The following AFG2B variants were observed in gnomAD, a reference collection of about 807,000 sequenced individuals.
The protein encoded by AFG2B is ATPase family gene 2 protein homolog B.
the AFG2B span, among the ~76,000 whole-genome samples, chr15:45,412,448 G>T: frequency 3.3e-5 from 5 of 152,102 alleles, no homozygotes; most frequent in Admixed American, 1.3e-4. Context: ...GATTTCTGTA[G>T]AGAGAGCCAC....
chr15:45,421,011 G>A, the AFG2B span: 925 of 1,595,412 alleles, frequency 5.8e-4, 4 homozygotes, highest in African/African-American at 0.011. Flanking sequence ...AAAAGCAAAA[G>A]AAATTGTTTT....
At chr15:45,408,054 T>A in the AFG2B span, among the ~76,000 whole-genome samples, 1 of 152,184 alleles carries the variant, frequency 6.6e-6, no homozygotes, top group Non-Finnish European at 1.5e-5. Context: ...TAGTCCAATT[T>A]CCTTGATAGG....
At chr15:45,415,370 A>G in the AFG2B span, among the ~76,000 whole-genome samples, 1 of 151,866 alleles carries the variant, frequency 6.6e-6, no homozygotes, top group African/African-American at 2.4e-5. Flanking sequence ...GTGGTAGCGC[A>G]CCCTATAATC....
At chr15:45,406,984 A>G in the AFG2B span, 1 of 1,263,036 alleles carries the variant, frequency 7.9e-7, no homozygotes, top group Non-Finnish European at 1.0e-6. Context: ...AGTAAGCAGG[A>G]GATGGGAAGG....
chr15:45,412,771 T>C, the AFG2B span, among the ~76,000 whole-genome samples: 1 of 152,146 alleles, frequency 6.6e-6, no homozygotes, highest in Non-Finnish European at 1.5e-5. Flanking sequence ...AAGCACAAAA[T>C]TGAAATGAAC....
At chr15:45,411,168 C>T in the AFG2B span, among the ~76,000 whole-genome samples, 8 of 151,730 alleles carry the variant, frequency 5.3e-5, no homozygotes, top group Admixed American at 1.3e-4. Context: ...CACCACTGCA[C>T]GACAGCCTGG....
chr15:45,405,477 C>A, the AFG2B span: 3 of 1,613,016 alleles, frequency 1.9e-6, no homozygotes, highest in Non-Finnish European at 2.5e-6. Context: ...AGGGAGGCTG[C>A]CATGCATGCC....
At chr15:45,402,520 C>G in the AFG2B span, 108 of 1,603,892 alleles carry the variant, frequency 6.7e-5, 1 homozygote, top group Non-Finnish European at 8.8e-5. Flanking sequence ...GCGCTGCCGC[C>G]TGGGCCCGGC....
the AFG2B span, among the ~76,000 whole-genome samples, chr15:45,415,039 G>T: frequency 6.6e-6 from 1 of 151,772 alleles, no homozygotes; most frequent in African/African-American, 2.4e-5. Flanking sequence ...TATATCTATA[G>T]CTTTATCCTG....
the AFG2B span, chr15:45,405,242 C>T: frequency 3.7e-6 from 5 of 1,369,596 alleles, no homozygotes; most frequent in Non-Finnish European, 4.9e-6. Context: ...CTACCTCCAT[C>T]CATGAGATCA....
the AFG2B span, chr15:45,417,513 G>A: frequency 9.4e-7 from 1 of 1,065,820 alleles, no homozygotes; most frequent in East Asian, 2.6e-5. Context: ...CTTGCCTGGT[G>A]GCCTTTCATG....
chr15:45,404,822 AAG>A, the AFG2B span, among the ~76,000 whole-genome samples: 1 of 147,196 alleles, frequency 6.8e-6, no homozygotes, highest in African/African-American at 2.7e-5. Flanking sequence ...AAAAAAAAAA[AAG>A]AAAAAAAAAA....
At chr15:45,418,743 A>C in the AFG2B span, 1 of 1,591,422 alleles carries the variant, frequency 6.3e-7, no homozygotes, top group Non-Finnish European at 8.6e-7. Flanking sequence ...TCAAATCTTC[A>C]TTCACTCAGC....
the AFG2B span, chr15:45,402,466 C>G: frequency 6.2e-7 from 1 of 1,609,232 alleles, no homozygotes; most frequent in Non-Finnish European, 8.5e-7. Context: ...TGAAGGGCCG[C>G]TCTTAAAGCT....
chr15:45,408,748 A>C, the AFG2B span, among the ~76,000 whole-genome samples: 2 of 152,210 alleles, frequency 1.3e-5, no homozygotes, highest in African/African-American at 4.8e-5. Flanking sequence ...GGCTGGGCAC[A>C]GTGGCTTACA....
chr15:45,410,575 A>C, the AFG2B span: 1 of 1,526,930 alleles, frequency 6.5e-7, no homozygotes, highest in Non-Finnish European at 8.9e-7. Context: ...TTACAGATTA[A>C]CATTCTGTGC....
the AFG2B span, chr15:45,402,975 C>T: frequency 1.3e-6 from 2 of 1,594,516 alleles, no homozygotes; most frequent in Admixed American, 1.7e-5. Flanking sequence ...CCCCTCGTAC[C>T]CGCGTCAGCC....
At chr15:45,418,057 G>A in the AFG2B span, among the ~76,000 whole-genome samples, 1 of 152,114 alleles carries the variant, frequency 6.6e-6, no homozygotes, top group African/African-American at 2.4e-5. Flanking sequence ...CCAAGAGAGA[G>A]ATTTAGCCGG....
chr15:45,407,197 A>C, the AFG2B span: 1 of 1,254,472 alleles, frequency 8.0e-7, no homozygotes, highest in East Asian at 5.6e-5. Context: ...AAAGGCAAAA[A>C]GCATGAAGGG....
Sources: allele counts gnomAD v4.1 joint callset (sites outside exome capture counted in the v4.1 genomes callset), GRCh38; gene constraint gnomAD v4.1.1; transcripts MANE v1.5; gene names NCBI Gene and HGNC (gene_info 2026-07-23, HGNC 2026-07-21).